Variants in AGBL4 observed in about 807,000 individuals in gnomAD.
The protein encoded by AGBL4 is AGBL carboxypeptidase 4, also known as cytosolic carboxypeptidase 6.
Under a neutral mutation model 66.4 loss-of-function variants are expected in AGBL4, and 58 were observed. The ratio of observed to expected loss-of-function variants is 0.87; its 90% CI spans 0.71 to 1.09. The LOEUF (loss-of-function observed/expected upper bound fraction) is 1.09. Among genes scored for constraint, AGBL4 ranks in the 50% least tolerant of loss-of-function variants. The pLI is 0.00. For missense variants in AGBL4, 579 were observed against 631.0 expected, an observed-to-expected ratio of 0.92 and a Z score of 0.88; for synonymous variants, 234 against 222.9, an observed-to-expected ratio of 1.05 and a Z score of -0.44.
chr1:48,621,460 A>C (rs1036405660), intron 9 of AGBL4, among the ~76,000 whole-genome samples: 5 of 152,160 alleles, frequency 3.3e-5, no homozygotes, highest in African/African-American at 4.8e-5. Context: ...CTCCTTCCAT[A>C]ATTTTTTTCT....
At chr1:49,227,480 A>G (rs566149770) in intron 4 of AGBL4, among the ~76,000 whole-genome samples, 1 of 152,234 alleles carries the variant, frequency 6.6e-6, no homozygotes, top group East Asian at 1.9e-4. Context: ...AAGATTTCTC[A>G]GGTGCATATC....
At chr1:49,523,956 CCAT>C (rs201580756) in intron 3 of AGBL4, among the ~76,000 whole-genome samples, 4,420 of 150,902 alleles carry the variant, frequency 0.029, 176 homozygotes, top group African/African-American at 0.098. Flanking sequence ...AGCATTATCA[CCAT>C]CATCATCATC....
intron 3 of AGBL4, among the ~76,000 whole-genome samples, chr1:49,588,692 A>G (rs879571135): frequency 2.0e-4 from 30 of 152,204 alleles, no homozygotes; most frequent in Non-Finnish European, 4.0e-4. Context: ...TTCAACAAGC[A>G]TGGATTGAGG....
chr1:49,968,219 C>CAA (rs10661536), intron 1 of AGBL4, among the ~76,000 whole-genome samples: 12,990 of 135,266 alleles, frequency 0.096, 761 homozygotes, highest in East Asian at 0.17. Flanking sequence ...GGGAGACTGT[C>CAA]AAAAAAAAAA....
chr1:49,743,694 A>G (rs1408653472), intron 2 of AGBL4, among the ~76,000 whole-genome samples: 1 of 152,164 alleles, frequency 6.6e-6, no homozygotes, highest in Non-Finnish European at 1.5e-5. Flanking sequence ...AAAATGTGGC[A>G]CATATACACC....
intron 1 of AGBL4, among the ~76,000 whole-genome samples, chr1:49,992,661 A>G (rs1660049554): frequency 6.6e-6 from 1 of 152,056 alleles, no homozygotes; most frequent in Non-Finnish European, 1.5e-5. Flanking sequence ...GATCCTTCAT[A>G]ATTCCTTTAG....
At chr1:49,712,794 C>G (rs1647773995) in intron 2 of AGBL4, among the ~76,000 whole-genome samples, 1 of 151,838 alleles carries the variant, frequency 6.6e-6, no homozygotes, top group Non-Finnish European at 1.5e-5. Flanking sequence ...CACTTAGTAT[C>G]TGGGTTATCT....
chr1:49,154,891 C>G (rs993440456), intron 4 of AGBL4, among the ~76,000 whole-genome samples: 1 of 152,072 alleles, frequency 6.6e-6, no homozygotes, highest in Non-Finnish European at 1.5e-5. Context: ...TGAAGAGTGC[C>G]TACTCTCATT....
intron 6 of AGBL4, among the ~76,000 whole-genome samples, chr1:48,860,881 C>A (rs191812671): frequency 6.6e-6 from 1 of 152,052 alleles, no homozygotes; most frequent in Non-Finnish European, 1.5e-5. Context: ...ATGAAGAAAT[C>A]GAATGCTAAA....
intron 11 of AGBL4, among the ~76,000 whole-genome samples, chr1:48,569,697 C>G (rs1273474698): frequency 6.6e-6 from 1 of 152,118 alleles, no homozygotes; most frequent in Non-Finnish European, 1.5e-5. Context: ...AAAGAGCAGG[C>G]TTTGGAGGAG....
intron 3 of AGBL4, among the ~76,000 whole-genome samples, chr1:49,352,388 T>TG (rs1643928847): frequency 6.7e-6 from 1 of 150,102 alleles, no homozygotes; most frequent in Non-Finnish European, 1.5e-5. Context: ...TTTTTTTTTT[T>TG]TGTGGAAAGG....
intron 8 of AGBL4, among the ~76,000 whole-genome samples, chr1:48,648,923 GA>G (rs1270450993): frequency 8.5e-5 from 13 of 152,324 alleles, no homozygotes; most frequent in Non-Finnish European, 1.3e-4. Flanking sequence ...GCTGGGGGCT[GA>G]CTGCATCTGG....
At chr1:49,811,247 T>C (rs542493506) in intron 2 of AGBL4, among the ~76,000 whole-genome samples, 2 of 152,300 alleles carry the variant, frequency 1.3e-5, no homozygotes, top group South Asian at 4.1e-4. Context: ...TCTGCAGACT[T>C]CCTGAATCAG....
rs184859103 is a variant in AGBL4 at position 49,276,828 on chromosome 1, G to A, written c.283-30964C>T. 4.0e-4 allele frequency among the ~76,000 whole-genome samples: 61 copies of A among 152,260 alleles called. 1 individual carries two copies. Among genetic ancestry groups the A allele is most frequent in the African/African-American group, 1.4e-3 (57 of 41,554 alleles). ...GGTTTATAAGGTTCTGCACCCCACTGGGGGTTGGGGTAATCATTCTCTGAT... is the reference window on the plus strand; with the variant it reads ...GGTTTATAAGGTTCTGCACCCCACTAGGGGTTGGGGTAATCATTCTCTGAT... On this transcript the variant is annotated intron_variant, in intron 3 of 13. Transcript: ENST00000371839.
intron 4 of AGBL4, among the ~76,000 whole-genome samples, chr1:49,231,347 TA>T (rs1477894827): frequency 1.3e-5 from 2 of 152,142 alleles, no homozygotes; most frequent in Non-Finnish European, 2.9e-5. Flanking sequence ...CTATAATAAT[TA>T]AGCGCAATAC....
intron 3 of AGBL4, among the ~76,000 whole-genome samples, chr1:49,592,281 C>T (rs1162931460): frequency 6.6e-6 from 1 of 151,908 alleles, no homozygotes; most frequent in Non-Finnish European, 1.5e-5. Flanking sequence ...AGGCAAAAAA[C>T]ATGAACAGGC....
At chr1:48,539,299 T>C (rs1184034274) in intron 12 of AGBL4, among the ~76,000 whole-genome samples, 1 of 152,174 alleles carries the variant, frequency 6.6e-6, no homozygotes, top group Non-Finnish European at 1.5e-5. Context: ...GAAGTTCATA[T>C]AGGAACCTCA....
intron 5 of AGBL4, among the ~76,000 whole-genome samples, chr1:48,949,128 G>A (rs1469197740): frequency 6.6e-6 from 1 of 152,202 alleles, no homozygotes; most frequent in Non-Finnish European, 1.5e-5. Flanking sequence ...GGAAAAAAGG[G>A]TTGAAAATCA....
intron 2 of AGBL4, chr1:49,845,249 G>C: frequency 1.3e-6 from 2 of 1,557,232 alleles, no homozygotes; most frequent in East Asian, 4.5e-5. Context: ...CCCTATAAAT[G>C]CACTCAGTGT....
Sources: allele counts gnomAD v4.1 joint callset (sites outside exome capture counted in the v4.1 genomes callset), GRCh38; gene constraint gnomAD v4.1.1; transcripts MANE v1.5; gene names NCBI Gene and HGNC (gene_info 2026-07-23, HGNC 2026-07-21).